Variants in DLGAP4 observed in about 807,000 individuals in gnomAD.
The protein encoded by DLGAP4 is DLG associated protein 4, also known as disks large-associated protein 4.
DLGAP4 carries 18 observed loss-of-function variants against 86.9 expected under a neutral mutation model. The ratio of observed to expected loss-of-function variants is 0.21; its 90% CI spans 0.14 to 0.31. DLGAP4 has a LOEUF of 0.31. DLGAP4 is among the 10% of genes least tolerant of loss of function. DLGAP4 has a pLI of 1.00. For missense variants in DLGAP4, 1,085 were observed against 1,362.6 expected, an observed-to-expected ratio of 0.80 and a Z score of 3.21; for synonymous variants, 548 against 574.3, an observed-to-expected ratio of 0.95 and a Z score of 0.65.
chr20:36,479,555 T>A (rs1187428315), intron 7 of DLGAP4, among the ~76,000 whole-genome samples: 2 of 152,002 alleles, frequency 1.3e-5, no homozygotes, highest in African/African-American at 4.8e-5. Context: ...CTGGGAAGAC[T>A]GTTAGGGAAG....
At chr20:36,381,302 CT>C (rs2031385073) in intron 2 of DLGAP4, among the ~76,000 whole-genome samples, 1 of 152,226 alleles carries the variant, frequency 6.6e-6, no homozygotes, top group African/African-American at 2.4e-5. Flanking sequence ...CAAATTCACT[CT>C]ACTTCAATCA....
At chr20:36,316,414 C>T (rs2065100199) in intron 1 of DLGAP4, among the ~76,000 whole-genome samples, 1 of 152,138 alleles carries the variant, frequency 6.6e-6, no homozygotes, top group South Asian at 2.1e-4. Context: ...TTTGCGTTTA[C>T]TGTTCCCTTT....
chr20:36,351,877 C>G (rs1053272933), intron 1 of DLGAP4, among the ~76,000 whole-genome samples: 1 of 152,088 alleles, frequency 6.6e-6, no homozygotes, highest in Admixed American at 6.6e-5. Flanking sequence ...ACCTGGAGCT[C>G]GCTTTAGAAA....
Position 36,525,863 on chromosome 20 carries a change from A to T in DLGAP4, c.2617A>T (p.Asn873Tyr), listed in dbSNP as rs747522195. The change falls in exon 12 of 13, where the codon AAC becomes TAC. Residue 873 changes from asparagine (N) to tyrosine (Y), a missense_variant. Physicochemically the swap from Asn to Tyr is moderately radical, Grantham distance 143 (BLOSUM62 -2). Transcript: ENST00000339266. ...LCEQNLNPDA[N>Y]PRPTAQDLAG... ...ATCTGGCCCACAGAACCCTGATGCC[A>T]ACCCACGCCCCACAGCCCAGGACCT... is the stretch of plus-strand genomic sequence containing the variant. 3.1e-6 allele frequency: 5 copies of T among 1,613,526 alleles called. No individual in the cohort carries two copies. In the South Asian group the frequency reaches 5.5e-5, roughly 18 times the overall value.
chr20:36,525,922 C>T lies in DLGAP4; in HGVS notation c.2676C>T (p.Ile892=), dbSNP rs772584861. 87 of 1,613,726 alleles carry T rather than the reference C, an allele frequency of 5.4e-5. No homozygotes were observed. The highest frequency in any genetic ancestry group is 1.6e-4 in the Middle Eastern group (1 of 6,084). Residue 892 remains isoleucine, a synonymous_variant, in exon 12 of 13, where the codon ATC becomes ATT. Coordinates refer to ENST00000339266, the MANE Select transcript of DLGAP4 (RefSeq NM_001365621.2). ...AGFWDLLQLS[I]EDISMKFDEL... ...TCTGGGACCTGCTACAGCTGTCCAT[C>T]GAGGATATCAGCATGAAGTTCGATG... is the stretch of plus-strand genomic sequence containing the variant.
intron 7 of DLGAP4, among the ~76,000 whole-genome samples, chr20:36,463,894 A>G (rs951893953): frequency 1.3e-5 from 2 of 152,204 alleles, no homozygotes; most frequent in Admixed American, 6.5e-5. Flanking sequence ...CTTGTCTTAC[A>G]GATGAAGAGA....
At chr20:36,462,722 A>G (rs537683862) in intron 7 of DLGAP4, 10 of 1,321,458 alleles carry the variant, frequency 7.6e-6, no homozygotes, top group African/African-American at 1.5e-5. Context: ...GAGGCCTCCC[A>G]CAAAGGGGGA....
intron 2 of DLGAP4, among the ~76,000 whole-genome samples, chr20:36,429,475 G>A (rs1421430275): frequency 7.3e-6 from 1 of 137,300 alleles, no homozygotes; most frequent in East Asian, 2.2e-4. Context: ...CACGATCTCA[G>A]CTCACTGCGA....
chr20:36,453,885 A>T (rs2033806400), intron 7 of DLGAP4, among the ~76,000 whole-genome samples: 1 of 140,444 alleles, frequency 7.1e-6, no homozygotes, highest in Non-Finnish European at 1.5e-5. Context: ...GTGAGCCGGG[A>T]TCGTGCCATT....
chr20:36,524,384 T>G, intron 11 of DLGAP4, 43 bp downstream of exon 11: 5 of 1,554,344 alleles, frequency 3.2e-6, no homozygotes, highest in Non-Finnish European at 4.4e-6. Context: ...CTTCCAGCCT[T>G]TGGCTGCCCA....
rs761078347 is a variant in DLGAP4, at chr20:36,442,735, A to G, written c.1365A>G (p.Gly455=). 1 of 1,614,036 alleles carries G rather than the reference A, an allele frequency of 6.2e-7. No homozygotes were observed. Reference sequence around the variant, plus strand: ...CCCTCTCTTTCCTGCAGATTTTTGGACAGGCCTCCCTGATCCCCCAGTTGT... The same window carrying G: ...CCCTCTCTTTCCTGCAGATTTTTGGGCAGGCCTCCCTGATCCCCCAGTTGT... ...NDSSCISQIF[G]QASLIPQLFG... is the part of the protein sequence containing the mutation. The change falls in exon 6 of 13, where the codon GGA becomes GGG. Residue 455 remains glycine (G), a synonymous_variant. Transcript: ENST00000339266.
intron 2 of DLGAP4, among the ~76,000 whole-genome samples, chr20:36,405,469 G>T (rs1391181124): frequency 6.6e-6 from 1 of 152,170 alleles, no homozygotes; most frequent in East Asian, 1.9e-4. Context: ...CACATGCGAG[G>T]GAGGCTGGGA....
At chr20:36,523,725 G>A (rs1600720300) in intron 10 of DLGAP4, among the ~76,000 whole-genome samples, 2 of 152,228 alleles carry the variant, frequency 1.3e-5, no homozygotes, top group South Asian at 2.1e-4. Context: ...GTGCAGTGGC[G>A]CCATCTTGGC....
intron 10 of DLGAP4, among the ~76,000 whole-genome samples, chr20:36,520,816 G>A (rs1332511319): frequency 6.6e-6 from 1 of 150,454 alleles, no homozygotes; most frequent in Non-Finnish European, 1.5e-5. Flanking sequence ...ATGGAGATTT[G>A]GTCTTATGTT....
At chr20:36,462,598 A>T (rs746377522) in intron 7 of DLGAP4, 1 of 1,596,580 alleles carries the variant, frequency 6.3e-7, no homozygotes, top group Non-Finnish European at 8.5e-7. Flanking sequence ...TCTTGAAGCA[A>T]TGTGAGTGGT....
chr20:36,499,490 C>T (rs2036039782), intron 8 of DLGAP4, 98 bp from the exon 9 acceptor site: 12 of 1,406,912 alleles, frequency 8.5e-6, no homozygotes, highest in Admixed American at 5.9e-5. Flanking sequence ...CGTCCGTTTG[C>T]GTCGTCCCAC....
chr20:36,456,769 C>T (rs768652063), intron 7 of DLGAP4, among the ~76,000 whole-genome samples: 2 of 152,206 alleles, frequency 1.3e-5, no homozygotes, highest in Non-Finnish European at 2.9e-5. Flanking sequence ...GACTGAAGGA[C>T]TGGTGGGCAG....
At chr20:36,342,842 A>G (rs1307117289) in intron 1 of DLGAP4, among the ~76,000 whole-genome samples, 1 of 152,178 alleles carries the variant, frequency 6.6e-6, no homozygotes, top group African/African-American at 2.4e-5. Flanking sequence ...GTAGCCAGGG[A>G]AGGCCTCTCA....
chr20:36,509,617 G>A (rs1456530214), intron 10 of DLGAP4, among the ~76,000 whole-genome samples: 1 of 151,960 alleles, frequency 6.6e-6, no homozygotes, highest in Non-Finnish European at 1.5e-5. Context: ...GAGCATTGTG[G>A]TGTACACCTG....
Sources: gnomAD v4.1 joint callset for allele counts (sites outside exome capture counted in the v4.1 genomes callset) on GRCh38, gnomAD v4.1.1 for gene constraint, MANE v1.5 for transcripts, NCBI Gene and HGNC (gene_info 2026-07-23, HGNC 2026-07-21) for gene names.